SSH1: variants seen among roughly 807,000 people sequenced by gnomAD.
The protein encoded by SSH1 is protein phosphatase Slingshot homolog 1.
A neutral mutation model predicts 79.7 loss-of-function variants in SSH1; 43 were observed. That is an observed-to-expected ratio of 0.54 (90% confidence interval 0.42 to 0.70). The LOEUF (loss-of-function observed/expected upper bound fraction) is 0.70, where lower values mean the gene tolerates loss of function less well. Ranked by LOEUF, SSH1 falls within the 30% of genes least tolerant of loss-of-function variation. The pLI is 0.00. For missense variants in SSH1, 1,206 were observed against 1,358.8 expected, an observed-to-expected ratio of 0.89 and a Z score of 1.77; for synonymous variants, 599 against 538.3, an observed-to-expected ratio of 1.11 and a Z score of -1.56.
intron 3 of SSH1, among the ~76,000 whole-genome samples, chr12:108,821,705 C>T (rs915868329): frequency 6.6e-6 from 1 of 152,206 alleles, no homozygotes; most frequent in South Asian, 2.1e-4. Context: ...ACAAACCACA[C>T]TGCCTCCTTG....
At chr12:108,842,899 C>T (rs2038812995) in intron 2 of SSH1, among the ~76,000 whole-genome samples, 1 of 152,194 alleles carries the variant, frequency 6.6e-6, no homozygotes, top group Admixed American at 6.5e-5. Context: ...AATGTCCTTA[C>T]AGGGTTTTCA....
At chr12:108,810,468 G>A (rs1475593944) in intron 6 of SSH1, among the ~76,000 whole-genome samples, 1 of 151,956 alleles carries the variant, frequency 6.6e-6, no homozygotes, top group Non-Finnish European at 1.5e-5. Context: ...GTTGCAGTGA[G>A]CCGAGATCGT....
intron 6 of SSH1, 88 bp downstream of exon 6, chr12:108,811,172 T>C (rs911984016): frequency 2.7e-5 from 32 of 1,204,486 alleles, no homozygotes; most frequent in Admixed American, 1.2e-4. Context: ...CATTCAGTGC[T>C]AATGATCATC....
In SSH1 at chr12:108,800,473, C is replaced by T. The variant is rs1472877825; in HGVS notation, c.1148+307G>A. On this transcript the variant is annotated intron_variant, in intron 12 of 14. Coordinates refer to ENST00000326495, the MANE Select transcript of SSH1 (RefSeq NM_018984.4). ...TTGGTATCTGGGGCTTGCCTGGAATCAGAGCTGATGATGACAACTGGGGTC... is the reference window on the plus strand; with the variant it reads ...TTGGTATCTGGGGCTTGCCTGGAATTAGAGCTGATGATGACAACTGGGGTC... 4.6e-5 allele frequency among the ~76,000 whole-genome samples: 7 copies of T among 152,238 alleles called. No homozygotes were observed. In the East Asian group the frequency reaches 5.8e-4, roughly 13 times the overall value.
intron 2 of SSH1, among the ~76,000 whole-genome samples, chr12:108,844,550 A>G (rs1162606322): frequency 6.6e-6 from 1 of 152,212 alleles, no homozygotes; most frequent in Non-Finnish European, 1.5e-5. Context: ...TCTATGTTAG[A>G]CTGGGGGCAT....
intron 2 of SSH1, chr12:108,826,405 T>C (rs534436335): frequency 1.0e-5 from 3 of 300,214 alleles, no homozygotes; most frequent in South Asian, 2.8e-5. Flanking sequence ...AGGCATTTAC[T>C]GTAAAAAGCA....
intron 3 of SSH1, among the ~76,000 whole-genome samples, chr12:108,818,789 T>C (rs1234923087): frequency 1.3e-5 from 2 of 152,226 alleles, no homozygotes; most frequent in African/African-American, 2.4e-5. Flanking sequence ...AGTCTCGCAC[T>C]GTCACCCAGG....
chr12:108,836,086 A>C (rs2038623089), intron 2 of SSH1, among the ~76,000 whole-genome samples: 1 of 147,794 alleles, frequency 6.8e-6, no homozygotes, highest in Non-Finnish European at 1.5e-5. Context: ...TAATATAAAT[A>C]ATACCTAAGT....
intron 2 of SSH1, among the ~76,000 whole-genome samples, chr12:108,839,909 G>A (rs1206902399): frequency 6.6e-6 from 1 of 152,178 alleles, no homozygotes; most frequent in Non-Finnish European, 1.5e-5. Context: ...GCCAGACACT[G>A]TACACAGAAC....
intron 2 of SSH1, chr12:108,827,195 T>A (rs1593101683): frequency 6.9e-7 from 1 of 1,452,554 alleles, no homozygotes. Context: ...CCCCAAAATA[T>A]AAACAGCCAG....
Position 108,781,477 on chromosome 12 carries a change from T to C in SSH1, c.*6511A>G, listed in dbSNP as rs1001477788. On this transcript the variant is annotated 3_prime_UTR_variant, in exon 15 of 15. Coordinates refer to ENST00000326495, the MANE Select transcript of SSH1 (RefSeq NM_018984.4). ...AATCTGGTCTGCTTGATGATTATAA[T>C]TCTTTTGGTAAAGTAATAAACTTGC... 6.6e-5 allele frequency: 10 copies of C among 152,216 alleles called. No individual in the cohort carries two copies. The highest frequency in any genetic ancestry group is 2.9e-5 in the Non-Finnish European group (2 of 68,042). The allele number at this position is 152,216 out of a possible 1,614,324, so 9.4% of individuals were successfully genotyped here.
At position 108,787,727 on chromosome 12, in the gene SSH1, G is replaced by A. The variant is rs1158593668; in HGVS notation, c.*261C>T. 2 of 533,654 alleles carry A rather than the reference G, an allele frequency of 3.7e-6. No individual in the cohort carries two copies. Among genetic ancestry groups the A allele is most frequent in the African/African-American group, 3.8e-5 (2 of 52,594 alleles). The allele number at this position is 533,654 out of a possible 1,614,324, so 33.1% of individuals were successfully genotyped here. Reference sequence around the variant, plus strand: ...TTCCTAAAACATGGTTCTTCTTGAAGACACGGTGGGAGCGGAGTTTTGTGT... The same window carrying A: ...TTCCTAAAACATGGTTCTTCTTGAAAACACGGTGGGAGCGGAGTTTTGTGT... On this transcript the variant is annotated 3_prime_UTR_variant, in exon 15 of 15. Coordinates refer to ENST00000326495, the MANE Select transcript of SSH1 (RefSeq NM_018984.4).
At position 108,788,139 on chromosome 12, in the gene SSH1, G is replaced by A. The variant is rs1189895723; in HGVS notation, c.2999C>T (p.Thr1000Ile). 3 of 1,613,958 alleles carry A rather than the reference G, an allele frequency of 1.9e-6. No individual in the cohort carries two copies. Among genetic ancestry groups the A allele is most frequent in the Non-Finnish European group, 2.5e-6 (3 of 1,180,030 alleles). The change falls in exon 15 of 15, where the codon ACC (threonine) becomes ATC (isoleucine). Residue 1000 changes from threonine to isoleucine, a missense_variant. By Grantham distance (89) the Thr-to-Ile change is moderately conservative (BLOSUM62 -1). Coordinates refer to ENST00000326495, the MANE Select transcript of SSH1 (RefSeq NM_018984.4). The stretch of plus-strand genomic sequence containing the variant: ...AGTGGTGTCCTGGGAGTCAGCGACG[G>A]TGGACGGGTCAGCCTCACTGGACAG... ...EDLSSEADPS[T>I]VADSQDTTLS...
At chr12:108,854,275 T>C (rs1010650127) in intron 1 of SSH1, among the ~76,000 whole-genome samples, 2 of 152,198 alleles carry the variant, frequency 1.3e-5, no homozygotes, top group African/African-American at 4.8e-5. Flanking sequence ...TGGTCCCAAG[T>C]ATCAACAGTG....
chr12:108,805,797 T>C (rs1312506791), intron 9 of SSH1, among the ~76,000 whole-genome samples: 1 of 151,536 alleles, frequency 6.6e-6, no homozygotes, highest in African/African-American at 2.4e-5. Context: ...ATGCTTTGAA[T>C]AAAAAGCAAT....
intron 14 of SSH1, chr12:108,792,022 G>C: frequency 7.1e-7 from 1 of 1,416,030 alleles, no homozygotes; most frequent in Non-Finnish European, 9.2e-7. Flanking sequence ...GGTGAAGATG[G>C]TGTGCAGAGA....
chr12:108,828,053 G>A (rs1209946772), intron 2 of SSH1, among the ~76,000 whole-genome samples: 1 of 152,164 alleles, frequency 6.6e-6, no homozygotes, highest in Non-Finnish European at 1.5e-5. Flanking sequence ...TGTGTTTTTA[G>A]CGTTTCTTTC....
chr12:108,852,020 C>G lies in SSH1; in HGVS notation c.110+618G>C, dbSNP rs191474839. ...GCCAGGAGTCCAAGACCAGCCTGGG[C>G]AACACAGCAAGACCTTGTCTCTATT... On this transcript the variant is annotated intron_variant, in intron 2 of 14. Transcript: ENST00000326495. Among the ~76,000 whole-genome samples, 305 of 151,830 alleles carry G rather than the reference C, an allele frequency of 2.0e-3. 1 individual carries two copies. The highest frequency in any genetic ancestry group is 3.1e-3 in the Non-Finnish European group (209 of 67,970).
intron 3 of SSH1, among the ~76,000 whole-genome samples, chr12:108,820,274 T>C (rs1415224254): frequency 6.6e-6 from 1 of 152,174 alleles, no homozygotes; most frequent in Non-Finnish European, 1.5e-5. Context: ...CCACAGTGTA[T>C]AACACCCTGT....
Sources: gnomAD v4.1 joint callset for allele counts (sites outside exome capture counted in the v4.1 genomes callset) on GRCh38, gnomAD v4.1.1 for gene constraint, MANE v1.5 for transcripts, NCBI Gene and HGNC (gene_info 2026-07-23, HGNC 2026-07-21) for gene names.